SLC8B1: variants seen among roughly 807,000 people sequenced by gnomAD.
SLC8B1 encodes solute carrier family 8 member B1, also known as mitochondrial sodium/calcium exchanger protein.
SLC8B1 carries 52 observed loss-of-function variants against 63.4 expected under a neutral mutation model. That is an observed-to-expected ratio of 0.82 (90% confidence interval 0.66 to 1.03). The LOEUF is 1.03. Among genes scored for constraint, SLC8B1 ranks in the 50% least tolerant of loss-of-function variants. The probability of loss-of-function intolerance (pLI) is 0.00; values close to 1 mark genes in which losing one functional copy is unlikely to be tolerated. For missense variants in SLC8B1, 657 were observed against 741.7 expected (o/e 0.89, Z 1.33); for synonymous variants, 336 against 323.9 (o/e 1.04, Z -0.40).
At position 113,332,674 on chromosome 12, in the gene SLC8B1, T is replaced by C. The variant is rs567409845; in HGVS notation, c.156+49A>G. On this transcript the variant is annotated intron_variant, in intron 2 of 15. Transcript: ENST00000680972. The stretch of plus-strand genomic sequence containing the variant: ...AGATGCTCAATAGATATTTATCGAT[T>C]GGAGGAACACAGCCCCACTCAACCC... 5 of 1,575,448 alleles carry C rather than the reference T, an allele frequency of 3.2e-6. No individual in the cohort carries two copies. The Admixed American group carries it at 9.1e-5, about 29-fold the overall frequency.
rs546565755 is a variant in SLC8B1, at chr12:113,321,339, C to T, written c.166G>A (p.Val56Met). Reference sequence around the variant, plus strand: ...CGGTCAGAGACATTCAGGCCACACACCTTGCGGCACTGCAGGAAGACAGGG... The same window carrying T: ...CGGTCAGAGACATTCAGGCCACACATCTTGCGGCACTGCAGGAAGACAGGG... ...NQTPVVDCRK[V>M]CGLNVSDRCD... The change falls in exon 3 of 16, where the codon GTG becomes ATG. Residue 56 changes from valine to methionine, a missense_variant. Physicochemically the swap from Val to Met is conservative, Grantham distance 21. Transcript: ENST00000680972. 6.2e-7 allele frequency: 1 copy of T among 1,614,168 alleles called. No individual in the cohort carries two copies. The highest frequency in any genetic ancestry group is 1.7e-5 in the Admixed American group (1 of 60,002).
In SLC8B1 at chr12:113,304,304, T is replaced by G; in HGVS notation, c.1557+17A>C. 7 of 1,613,206 alleles carry G rather than the reference T, an allele frequency of 4.3e-6. No homozygotes were observed. Among genetic ancestry groups the G allele is most frequent in the Non-Finnish European group, 5.9e-6 (7 of 1,179,318 alleles). ...ATCTTGGTTATATACACTTGTAAAC[T>G]TACAAGGAATACTCACCTTCACTTC... On this transcript the variant is annotated intron_variant, in intron 15 of 15. Transcript: ENST00000680972.
At chr12:113,318,217 G>GTGT (rs1229312527) in intron 8 of SLC8B1, among the ~76,000 whole-genome samples, 1 of 151,802 alleles carries the variant, frequency 6.6e-6, no homozygotes. Flanking sequence ...ATTCATATAT[G>GTGT]TGTTGTATGT....
intron 2 of SLC8B1, 22 bp from the exon 3 acceptor site, chr12:113,321,370 G>T: frequency 1.2e-6 from 2 of 1,614,044 alleles, no homozygotes; most frequent in Non-Finnish European, 1.7e-6. Context: ...CAGGGAGGGG[G>T]ACATCAGCGG....
intron 2 of SLC8B1, among the ~76,000 whole-genome samples, chr12:113,329,872 T>C (rs1343532476): frequency 1.3e-5 from 2 of 151,518 alleles, no homozygotes; most frequent in Non-Finnish European, 2.9e-5. Context: ...TCTACAGTGG[T>C]CCCCAGGGCC....
intron 14 of SLC8B1, among the ~76,000 whole-genome samples, chr12:113,306,066 CAAAAA>C (rs60824560): frequency 1.7e-4 from 3 of 18,088 alleles, no homozygotes; most frequent in East Asian, 1.9e-3. Context: ...CCCCACCCTG[CAAAAA>C]AAAAAAAAAA....
At position 113,310,246 on chromosome 12, in the gene SLC8B1, G is replaced by T. The variant is rs903133371; in HGVS notation, c.1245C>A (p.Pro415=). The change falls in exon 12 of 16, where the codon CCC becomes CCA. Residue 415 remains proline (P), a synonymous_variant. Transcript: ENST00000680972. The part of the protein sequence containing the change: ...TFFATSDSQP[P]RLHWLFAFLG... ...CCGGGCTTCTTACCCAGTGAAGCCT[G>T]GGGGGCTGGCTGTCAGATGTGGCAA... 4 of 1,613,642 alleles carry T rather than the reference G, an allele frequency of 2.5e-6. No individual in the cohort carries two copies. The highest frequency in any genetic ancestry group is 2.2e-5 in the East Asian group (1 of 44,858).
intron 8 of SLC8B1, among the ~76,000 whole-genome samples, chr12:113,318,354 ACTC>A (rs754108355): frequency 2.2e-4 from 32 of 147,880 alleles, no homozygotes; most frequent in East Asian, 1.2e-3. Context: ...GTGTGCATGT[ACTC>A]CTATGTGTGT....
Position 113,310,268 on chromosome 12 carries a change from G to C in SLC8B1, c.1223C>G (p.Ala408Gly). 4 of 1,613,922 alleles carry C rather than the reference G, an allele frequency of 2.5e-6. No individual in the cohort carries two copies. The highest frequency in any genetic ancestry group is 3.4e-6 in the Non-Finnish European group (4 of 1,179,962). ...GTALASVTFF[A>G]TSDSQPPRLH... ...CCTGGGGGGCTGGCTGTCAGATGTG[G>C]CAAAAAAGGTCACTGAAGCCAAGGC... Residue 408 changes from alanine (A) to glycine (G), a missense_variant, in exon 12 of 16, where the codon GCC becomes GGC. Transcript: ENST00000680972.
chr12:113,312,403 T>C (rs1956777101), intron 11 of SLC8B1, among the ~76,000 whole-genome samples: 1 of 152,136 alleles, frequency 6.6e-6, no homozygotes, highest in Non-Finnish European at 1.5e-5. Flanking sequence ...CACTGAGCAA[T>C]GACAGCCATG....
intron 15 of SLC8B1, chr12:113,302,710 A>G: frequency 2.2e-6 from 1 of 456,074 alleles, no homozygotes; most frequent in Non-Finnish European, 4.4e-6. Context: ...TCTCCAACCC[A>G]CAGATGAAGA....
Position 113,320,209 on chromosome 12 carries a change from G to C in SLC8B1, c.694+122C>G. 31 of 1,240,208 alleles carry C rather than the reference G, an allele frequency of 2.5e-5. No individual in the cohort carries two copies. The highest frequency in any genetic ancestry group is 3.4e-5 in the Non-Finnish European group (30 of 894,134). The allele number at this position is 1,240,208 out of a possible 1,614,324, so 76.8% of individuals were successfully genotyped here. ...TCAAGCCAGCTTGAGGAGGGTTTCT[G>C]TCACTTGTAATCAAATCAAAGCCCC... On this transcript the variant is annotated intron_variant, in intron 7 of 15. Coordinates refer to ENST00000680972, the MANE Select transcript of SLC8B1 (RefSeq NM_001358345.2). The surrounding 1 kb of genome is among the most constrained non-coding windows in gnomAD (Gnocchi z 5.3).
chr12:113,301,333 C>CTTT (rs61095726), intron 15 of SLC8B1, among the ~76,000 whole-genome samples: 25 of 107,598 alleles, frequency 2.3e-4, no homozygotes, highest in East Asian at 5.1e-4. Flanking sequence ...CTTTATAAGG[C>CTTT]TTTTTTTTTT....
chr12:113,323,012 G>C lies in SLC8B1; in HGVS notation c.157-1664C>G, dbSNP rs76439747. ...GTACAGAGAAGGGATAGCTGCCAAC[G>C]AAGGCTGGGTTGAGCCAGTTACCAC... On this transcript the variant is annotated intron_variant, in intron 2 of 15. Coordinates refer to ENST00000680972, the MANE Select transcript of SLC8B1 (RefSeq NM_001358345.2). Among the ~76,000 whole-genome samples the C allele has an allele frequency of 7.3e-3, 1,105 of 152,212 alleles. 24 individuals are homozygous for C. The highest frequency in any genetic ancestry group is 0.064 in the South Asian group (309 of 4,814).
At chr12:113,317,776 ATG>A (rs1555275449) in intron 8 of SLC8B1, among the ~76,000 whole-genome samples, 1 of 150,374 alleles carries the variant, frequency 6.7e-6, no homozygotes, top group East Asian at 1.9e-4. Flanking sequence ...ATGTATTTGT[ATG>A]TGTGTTGTGT....
At chr12:113,332,647 G>A in intron 2 of SLC8B1, 76 bp downstream of exon 2, 1 of 1,501,646 alleles carries the variant, frequency 6.7e-7, no homozygotes, top group Non-Finnish European at 8.9e-7. Flanking sequence ...CTGGCACATA[G>A]TAGATGCTCA....
intron 15 of SLC8B1, chr12:113,302,638 C>G (rs1185263966): frequency 2.2e-6 from 1 of 456,000 alleles, no homozygotes; most frequent in East Asian, 6.9e-5. Context: ...ACATGAGGTA[C>G]CGTGTGGGCT....
At chr12:113,330,291 G>A (rs894295876) in intron 2 of SLC8B1, among the ~76,000 whole-genome samples, 1 of 152,210 alleles carries the variant, frequency 6.6e-6, no homozygotes, top group Non-Finnish European at 1.5e-5. Flanking sequence ...TAAGGTAAGG[G>A]GCTGGGGGGG....
chr12:113,303,073 C>CGT (rs1956616636), intron 15 of SLC8B1, among the ~76,000 whole-genome samples: 1 of 147,620 alleles, frequency 6.8e-6, no homozygotes, highest in African/African-American at 2.5e-5. Flanking sequence ...CACACACGTA[C>CGT]ACACACACAC....
Sources: allele counts gnomAD v4.1 joint callset (sites outside exome capture counted in the v4.1 genomes callset), GRCh38; gene constraint gnomAD v4.1.1; non-coding constraint Gnocchi (gnomAD v3.1); transcripts MANE v1.5; gene names NCBI Gene and HGNC (gene_info 2026-07-23, HGNC 2026-07-21).